POLR1A: variants seen among roughly 807,000 people sequenced by gnomAD.
POLR1A encodes DNA-directed RNA polymerase I subunit RPA1.
In POLR1A, 84 loss-of-function variants were observed where a neutral mutation model predicts 205.3. The ratio of observed to expected loss-of-function variants is 0.41; its 90% CI spans 0.34 to 0.49. The LOEUF is 0.49. POLR1A is among the 20% of genes least tolerant of loss of function. The pLI, the probability that POLR1A is intolerant of heterozygous loss-of-function variation, is 0.22. For synonymous variants in POLR1A, 799 were observed against 863.7 expected (o/e 0.93, Z 1.31); for missense variants, 1,645 against 2,204.5 (o/e 0.75, Z 5.08).
At chr2:86,043,315 C>T in intron 22 of POLR1A, 120 bp from the exon 23 acceptor site, 1 of 767,404 alleles carries the variant, frequency 1.3e-6, no homozygotes, top group East Asian at 2.5e-5. Flanking sequence ...GGTGTGGAGC[C>T]CTCATGATGG....
rs1473740396 is a variant in POLR1A at position 86,042,960 on chromosome 2, C to A, written c.3357+14G>T. ...GACGTGCTGGACATTAAGGACACCA[C>A]CTCCCTGCATCACCTCCTGAGTCCC... On this transcript the variant is annotated intron_variant, in intron 23 of 33. Transcript: ENST00000263857. The A allele has an allele frequency of 1.3e-6, 2 of 1,597,828 alleles. No individual in the cohort carries two copies. Among genetic ancestry groups the A allele is most frequent in the African/African-American group, 1.3e-5 (1 of 74,578 alleles).
rs1454554129 is a variant in POLR1A at position 86,070,794 on chromosome 2, G to C, written c.1612-522C>G. On this transcript the variant is annotated intron_variant, in intron 12 of 33. Coordinates refer to ENST00000263857, the MANE Select transcript of POLR1A (RefSeq NM_015425.6). This position sits in a 1 kb window ranked among gnomAD's most constrained non-coding sequence, Gnocchi z 4.4. ...AGCTTCATATAGCAGAGCCAGAAAAGGGTTCTTAGTTAGTTCAATGCCCTC... is the reference window on the plus strand; with the variant it reads ...AGCTTCATATAGCAGAGCCAGAAAACGGTTCTTAGTTAGTTCAATGCCCTC... 6.6e-6 allele frequency among the ~76,000 whole-genome samples: 1 copy of C among 151,484 alleles called. No individual in the cohort carries two copies. Among genetic ancestry groups the C allele is most frequent in the East Asian group, 1.9e-4 (1 of 5,188 alleles).
At position 86,028,797 on chromosome 2, in the gene POLR1A, T is replaced by C; in HGVS notation, c.4780-86A>G. The stretch of plus-strand genomic sequence containing the variant: ...CGTATCTCCCCCTGGCCGCTCTCTC[T>C]CTCCTTGTGTCTGGCAGCTCGGTAC... On this transcript the variant is annotated intron_variant, in intron 31 of 33. Coordinates refer to ENST00000263857, the MANE Select transcript of POLR1A (RefSeq NM_015425.6). This position sits in a 1 kb window ranked among gnomAD's most constrained non-coding sequence, Gnocchi z 4.5. 1.1e-6 allele frequency: 1 copy of C among 931,184 alleles called. No individual in the cohort carries two copies. The highest frequency in any genetic ancestry group is 2.0e-5 in the Admixed American group (1 of 50,380). 57.7% of individuals were successfully genotyped at this position (931,184 alleles called of 1,614,324 possible).
At chr2:86,069,495 C>T (rs987216538) in intron 13 of POLR1A, among the ~76,000 whole-genome samples, 2 of 152,190 alleles carry the variant, frequency 1.3e-5, no homozygotes, top group African/African-American at 4.8e-5. Context: ...GCTGTGACCA[C>T]AAGGGGTTGC....
At chr2:86,075,946 G>A (rs551378474) in intron 11 of POLR1A, among the ~76,000 whole-genome samples, 2 of 152,254 alleles carry the variant, frequency 1.3e-5, no homozygotes, top group East Asian at 3.9e-4. Flanking sequence ...ATCTACCCTG[G>A]CAGACATCAC....
rs758151815 is a variant in POLR1A at position 86,089,827 on chromosome 2, C to T, written c.535G>A (p.Ala179Thr). 1.0e-5 allele frequency: 16 copies of T among 1,585,814 alleles called. No homozygotes were observed. Among genetic ancestry groups the T allele is most frequent in the Middle Eastern group, 1.7e-4 (1 of 6,002 alleles). Residue 179 changes from alanine (A) to threonine (T), a missense_variant, in exon 4 of 34, where the codon GCA becomes ACA. By Grantham distance (58) the Ala-to-Thr change is moderately conservative. Transcript: ENST00000263857. ...GAAAGACAGTGTTAACTCACATGTG[C>T]GCCCTGGGACCCCAGGAGGTTGTTC... ...VQNNLLGSQG[A>T]HVKNVCESKS... is the part of the protein sequence containing the mutation.
intron 14 of POLR1A, among the ~76,000 whole-genome samples, chr2:86,058,597 C>T (rs1020228628): frequency 1.3e-5 from 2 of 149,030 alleles, no homozygotes; most frequent in Non-Finnish European, 3.0e-5. Flanking sequence ...CTTGCACTAA[C>T]ATTCTAGAAA....
chr2:86,098,751 G>A lies in POLR1A; in HGVS notation c.292C>T (p.Leu98=), dbSNP rs1411910340. The A allele has an allele frequency of 6.2e-7, 1 of 1,613,828 alleles. No individual in the cohort carries two copies. The highest frequency in any genetic ancestry group is 1.3e-5 in the African/African-American group (1 of 74,858). The change falls in exon 3 of 34, where the codon CTG becomes TTG. Residue 98 remains leucine (L), a synonymous_variant. Coordinates refer to ENST00000263857, the MANE Select transcript of POLR1A (RefSeq NM_015425.6). ...YNPLLFDKLY[L]LLRGSCLNCH... is the part of the protein sequence containing the mutation. ...TTTAAACAAGAGCCCCGAAGCAGCAGGTACAGCTTCTGAAGAGAGGGAATA... is the reference window on the plus strand; with the variant it reads ...TTTAAACAAGAGCCCCGAAGCAGCAAGTACAGCTTCTGAAGAGAGGGAATA...
At position 86,049,217 on chromosome 2, in the gene POLR1A, T is replaced by C; in HGVS notation, c.2418A>G (p.Pro806=). The change falls in exon 17 of 34, where the codon CCA becomes CCG. Residue 806 remains proline (P), a synonymous_variant. Transcript: ENST00000263857. ...TACGTTGCCTCTTGACATCTGCCTT[T>C]GGCTTCACCAAAATGTCTTCCACGC... is the stretch of plus-strand genomic sequence containing the variant. ...TLGVEDILVK[P]KADVKRQRII... is the part of the protein sequence containing the mutation. 1 of 1,614,054 alleles carries C rather than the reference T, an allele frequency of 6.2e-7. No homozygotes were observed.
rs569109616 is a variant in POLR1A, at chr2:86,044,628, T to C, written c.2970-324A>G. ...TGTCTGCCCCTACACTCTCCCACAA[T>C]GCAGAGCTCCCCAGAGACCAGTGTC... On this transcript the variant is annotated intron_variant, in intron 21 of 33. Transcript: ENST00000263857. Among the ~76,000 whole-genome samples the C allele has an allele frequency of 1.3e-4, 20 of 152,248 alleles. No individual in the cohort carries two copies. The South Asian group carries it at 3.9e-3, about 30-fold the overall frequency.
In POLR1A at chr2:86,027,104, C is replaced by T. The variant is rs567157385; in HGVS notation, c.*319G>A. On this transcript the variant is annotated 3_prime_UTR_variant, in exon 34 of 34. Coordinates refer to ENST00000263857, the MANE Select transcript of POLR1A (RefSeq NM_015425.6). ...AGTGAATCGTGAATCAGGACTTCTCCTTAGGGGTTATGCCACAGAGGCCTC... is the reference window on the plus strand; with the variant it reads ...AGTGAATCGTGAATCAGGACTTCTCTTTAGGGGTTATGCCACAGAGGCCTC... 6 of 389,878 alleles carry T rather than the reference C, an allele frequency of 1.5e-5. No individual in the cohort carries two copies. In the South Asian group the frequency reaches 2.1e-4, roughly 13 times the overall value. 24.2% of individuals were successfully genotyped at this position (389,878 alleles called of 1,614,324 possible).
At chr2:86,051,987 C>T (rs528312172) in intron 16 of POLR1A, among the ~76,000 whole-genome samples, 16 of 152,350 alleles carry the variant, frequency 1.1e-4, no homozygotes, top group African/African-American at 3.8e-4. Context: ...CTCCATCACC[C>T]AGGCTGGAGT....
chr2:86,042,901 C>G lies in POLR1A; in HGVS notation c.3357+73G>C, dbSNP rs1672639365. The G allele has an allele frequency of 3.8e-6, 4 of 1,054,232 alleles. No homozygotes were observed. In the South Asian group the frequency reaches 5.1e-5, roughly 14 times the overall value. The allele number at this position is 1,054,232 out of a possible 1,614,324, so 65.3% of individuals were successfully genotyped here. The stretch of plus-strand genomic sequence containing the variant: ...ATGATTCTACCTTCTCTTAGGAAAA[C>G]AGCCCCTCATCCCTCACCCACTGAC... On this transcript the variant is annotated intron_variant, in intron 23 of 33. Transcript: ENST00000263857.
At chr2:86,049,281 G>A (rs773082157) in intron 16 of POLR1A, 39 bp from the exon 17 acceptor site, 12 of 1,472,868 alleles carry the variant, frequency 8.1e-6, no homozygotes, top group Admixed American at 1.7e-5. Flanking sequence ...GCGACCTCAG[G>A]CCTGATTTCT....
intron 8 of POLR1A, 93 bp from the exon 9 acceptor site, chr2:86,081,071 C>A (rs1250642187): frequency 6.9e-6 from 8 of 1,161,090 alleles, no homozygotes; most frequent in Admixed American, 6.8e-5. Context: ...AGGGAGCACA[C>A]CCCACCATGC....
At position 86,028,176 on chromosome 2, in the gene POLR1A, C is replaced by T; in HGVS notation, c.4898-127G>A. The T allele has an allele frequency of 1.2e-6, 1 of 843,856 alleles. No individual in the cohort carries two copies. The highest frequency in any genetic ancestry group is 2.0e-6 in the Non-Finnish European group (1 of 507,246). 52.3% of individuals were successfully genotyped at this position (843,856 alleles called of 1,614,324 possible). A position where few individuals can be genotyped will look rare whatever the true frequency, so the allele number is the denominator to read the frequency against. ...GTTAGACTCTGGGGCTCCCCTTCAG[C>T]TCCGCCACCTGCTCACGCTACTTAA... On this transcript the variant is annotated intron_variant, in intron 32 of 33. Coordinates refer to ENST00000263857, the MANE Select transcript of POLR1A (RefSeq NM_015425.6). This position sits in a 1 kb window ranked among gnomAD's most constrained non-coding sequence, Gnocchi z 4.5.
intron 18 of POLR1A, 88 bp from the exon 19 acceptor site, chr2:86,047,351 T>C (rs1352125000): frequency 1.5e-5 from 13 of 852,018 alleles, no homozygotes; most frequent in Non-Finnish European, 2.1e-5. Context: ...GCAGAAGCAA[T>C]ACAGCCAGAA....
intron 9 of POLR1A, 74 bp downstream of exon 9, chr2:86,080,742 T>C (rs1177615248): frequency 7.1e-7 from 1 of 1,400,874 alleles, no homozygotes; most frequent in East Asian, 2.4e-5. Context: ...CCAGACCCAG[T>C]GTCTACATCC....
intron 16 of POLR1A, among the ~76,000 whole-genome samples, chr2:86,050,909 G>A (rs1573811570): frequency 6.6e-6 from 1 of 152,284 alleles, no homozygotes; most frequent in Middle Eastern, 3.4e-3. Context: ...AGTGGCTCAG[G>A]TCTCTTAGTG....
Sources: allele counts gnomAD v4.1 joint callset (sites outside exome capture counted in the v4.1 genomes callset), GRCh38; gene constraint gnomAD v4.1.1; non-coding constraint Gnocchi (gnomAD v3.1); transcripts MANE v1.5; gene names NCBI Gene and HGNC (gene_info 2026-07-23, HGNC 2026-07-21).